The following HOXC6 variants were observed in gnomAD, a reference collection of about 807,000 sequenced individuals.
HOXC6 encodes the protein homeobox protein Hox-C6.
In HOXC6, 10 loss-of-function variants were observed where a neutral mutation model predicts 24.0. The ratio of observed to expected loss-of-function variants is 0.42; its 90% CI spans 0.26 to 0.71. The LOEUF is 0.71. Among genes scored for constraint, HOXC6 ranks in the 30% least tolerant of loss-of-function variants. The pLI is 0.28. For synonymous variants in HOXC6, 123 were observed against 128.1 expected (o/e 0.96, Z 0.27); for missense variants, 258 against 303.4 (o/e 0.85, Z 1.11).
At chr12:54,021,430 G>A (rs1300555372) in intron 1 of HOXC6, 8 of 152,300 alleles carry the variant, frequency 5.3e-5, no homozygotes, top group Non-Finnish European at 1.0e-4. Context: ...GGGCTACCAA[G>A]GCTGAGAATT....
At chr12:54,020,917 C>CTTTT (rs898616385) in intron 1 of HOXC6, 12 of 152,394 alleles carry the variant, frequency 7.9e-5, no homozygotes, top group African/African-American at 2.6e-4. Context: ...ACTCTCCCAA[C>CTTTT]TTAGAAATTA....
At chr12:54,029,261 T>TG (rs1940874834) in intron 1 of HOXC6, among the ~76,000 whole-genome samples, 1 of 151,132 alleles carries the variant, frequency 6.6e-6, no homozygotes, top group African/African-American at 2.4e-5. Context: ...GGCAGATAAG[T>TG]GGGGAGAAGT....
At chr12:54,026,265 G>A (rs963403834), upstream of HOXC6, among the ~76,000 whole-genome samples, 1 of 152,128 alleles carries the variant, frequency 6.6e-6, no homozygotes, top group Non-Finnish European at 1.5e-5. Flanking sequence ...TCAGTCCCCA[G>A]AGTACTCCTG....
chr12:54,019,567 T>TG (rs964168034), intron 1 of HOXC6, among the ~76,000 whole-genome samples: 3 of 152,184 alleles, frequency 2.0e-5, no homozygotes, highest in African/African-American at 4.8e-5. Context: ...TGGCCGCTGA[T>TG]GGGGGGGAAC....
At chr12:54,023,563 G>A (rs1412858373), upstream of HOXC6, among the ~76,000 whole-genome samples, 1 of 152,212 alleles carries the variant, frequency 6.6e-6, no homozygotes, top group Non-Finnish European at 1.5e-5. Context: ...CCTTGGAGGT[G>A]TTTGGGGGCA....
intron 1 of HOXC6, among the ~76,000 whole-genome samples, chr12:54,029,420 C>CG (rs1391240893): frequency 7.1e-6 from 1 of 141,608 alleles, no homozygotes; most frequent in African/African-American, 2.6e-5. Context: ...CGCCCCCCCC[C>CG]CCACCACACA....
intron 1 of HOXC6, chr12:54,020,413 T>C (rs1030443160): frequency 6.6e-6 from 1 of 152,174 alleles, no homozygotes; most frequent in African/African-American, 2.4e-5. Context: ...CTAAGGAGAA[T>C]TGGGCAGAGC....
intron 1 of HOXC6, chr12:54,020,749 C>T (rs1313658336): frequency 6.6e-6 from 1 of 152,174 alleles, no homozygotes; most frequent in East Asian, 1.9e-4. Flanking sequence ...TGTGCATGCT[C>T]TGCTGGAAAT....
At chr12:54,018,033 G>A (rs1015656997) in intron 1 of HOXC6, among the ~76,000 whole-genome samples, 15 of 152,210 alleles carry the variant, frequency 9.9e-5, no homozygotes, top group African/African-American at 3.1e-4. Flanking sequence ...TGGCAATTAG[G>A]GGGGAGGCTG....
chr12:54,028,267 A>ATT (rs926541390), upstream of HOXC6: 731 of 75,584 alleles, frequency 9.7e-3, 1 homozygote, highest in Middle Eastern at 0.018. Context: ...ATATATATAT[A>ATT]TTTTTTAAAA....
chr12:54,028,434 G>T (rs566083946), upstream of HOXC6: 259 of 1,409,300 alleles, frequency 1.8e-4, no homozygotes, highest in African/African-American at 3.3e-3. Context: ...GATTGGAGCC[G>T]TCCCTATAAC....
upstream of HOXC6, among the ~76,000 whole-genome samples, chr12:54,024,152 G>A (rs766609911): frequency 9.9e-5 from 15 of 152,188 alleles, no homozygotes; most frequent in Non-Finnish European, 1.9e-4. Context: ...GGCTTTCTCC[G>A]TAAGAGGGAT....
Position 54,028,939 on chromosome 12 carries a change from G to A in HOXC6, c.400+18G>A, listed in dbSNP as rs982131346. On this transcript the variant is annotated intron_variant, in intron 1 of 1. Transcript: ENST00000243108. ...GCACAGTGGTGAGTTTTACAGCTCC[G>A]AGATATAAATTAAATAAACTGAACT... is the stretch of plus-strand genomic sequence containing the variant. 1.3e-6 allele frequency: 2 copies of A among 1,588,246 alleles called. No individual in the cohort carries two copies. Among genetic ancestry groups the A allele is most frequent in the Admixed American group, 1.8e-5 (1 of 56,784 alleles).
At chr12:54,020,239 A>G (rs1940372906) in intron 1 of HOXC6, 1 of 152,228 alleles carries the variant, frequency 6.6e-6, no homozygotes, top group Non-Finnish European at 1.5e-5. Context: ...AGGACTCTGC[A>G]CACCCGGGGC....
upstream of HOXC6, among the ~76,000 whole-genome samples, chr12:54,026,108 C>A (rs751139659): frequency 3.9e-5 from 6 of 152,288 alleles, no homozygotes; most frequent in Non-Finnish European, 7.4e-5. Flanking sequence ...CTCTAGCAAT[C>A]TCTCTCTGAA....
upstream of HOXC6, among the ~76,000 whole-genome samples, chr12:54,026,976 G>GGGA (rs1555185064): frequency 6.0e-4 from 86 of 143,272 alleles, no homozygotes; most frequent in South Asian, 1.6e-3. Flanking sequence ...GGGGGGGGGG[G>GGGA]ATATGAGCTT....
chr12:54,022,156 AC>A (rs1020748644), intron 1 of HOXC6: 2 of 151,690 alleles, frequency 1.3e-5, no homozygotes, highest in African/African-American at 4.8e-5. Flanking sequence ...AGTTGAGCCC[AC>A]CCCCATCAAC....
At chr12:54,028,365 C>T (rs1249952274), upstream of HOXC6, 13 of 714,558 alleles carry the variant, frequency 1.8e-5, no homozygotes, top group Non-Finnish European at 2.7e-5. Flanking sequence ...CCCTTCCTGA[C>T]ATCTGGCTTG....
intron 1 of HOXC6, among the ~76,000 whole-genome samples, chr12:54,019,480 T>TA (rs1940330815): frequency 6.6e-6 from 1 of 151,926 alleles, no homozygotes; most frequent in Middle Eastern, 3.4e-3. Flanking sequence ...TCTCCTGGAG[T>TA]AATGTGGGAA....
Sources: allele counts gnomAD v4.1 joint callset (sites outside exome capture counted in the v4.1 genomes callset), GRCh38; gene constraint gnomAD v4.1.1; transcripts MANE v1.5; gene names NCBI Gene and HGNC (gene_info 2026-07-23, HGNC 2026-07-21).